CLNK: variants seen among roughly 807,000 people sequenced by gnomAD.
The protein encoded by CLNK is cytokine-dependent hematopoietic cell linker.
A neutral mutation model predicts 68.6 loss-of-function variants in CLNK; 74 were observed. The ratio of observed to expected loss-of-function variants is 1.08; its 90% CI spans 0.89 to 1.31. CLNK has a LOEUF of 1.31. Among genes scored for constraint, CLNK ranks in the 50% most tolerant of loss-of-function variants. The pLI, the probability that CLNK is intolerant of heterozygous loss-of-function variation, is 0.00. For synonymous variants in CLNK, 198 were observed against 172.2 expected, an observed-to-expected ratio of 1.15 and a Z score of -1.17; for missense variants, 553 against 515.3, an observed-to-expected ratio of 1.07 and a Z score of -0.71.
chr4:10,596,988 A>G (rs773326937), intron 3 of CLNK, among the ~76,000 whole-genome samples: 2 of 152,260 alleles, frequency 1.3e-5, no homozygotes, highest in Admixed American at 1.3e-4. Flanking sequence ...TAGTGTAAAC[A>G]TTAAAGAAGT....
the CLNK span, among the ~76,000 whole-genome samples, chr4:10,707,692 C>A: frequency 6.6e-6 from 1 of 152,186 alleles, no homozygotes. Context: ...CAGAATAAAC[C>A]TCTTTACAGT....
chr4:10,571,798 G>C lies in CLNK; in HGVS notation c.113-20C>G. On this transcript the variant is annotated intron_variant, in intron 4 of 18. Transcript: ENST00000226951. The stretch of plus-strand genomic sequence containing the variant: ...ACTGGCCTGCCAACACAAACAGACC[G>C]AGTGTTATTTTAATCACTGTGGTAG... The C allele has an allele frequency of 6.2e-7, 1 of 1,606,634 alleles. No homozygotes were observed. The highest frequency in any genetic ancestry group is 8.5e-7 in the Non-Finnish European group (1 of 1,173,738).
intron 2 of CLNK, among the ~76,000 whole-genome samples, chr4:10,632,689 T>G (rs1420932679): frequency 1.3e-5 from 2 of 152,236 alleles, no homozygotes; most frequent in African/African-American, 2.4e-5. Flanking sequence ...CTCTTTGTCT[T>G]CAAGAATGTT....
At chr4:10,582,254 C>T (rs1560227107) in intron 4 of CLNK, among the ~76,000 whole-genome samples, 2 of 152,216 alleles carry the variant, frequency 1.3e-5, no homozygotes, top group South Asian at 4.1e-4. Context: ...CATCTGGAAA[C>T]AGCCAGCAGG....
chr4:10,501,479 C>A, intron 17 of CLNK, 68 bp from the exon 18 acceptor site: 2 of 1,484,016 alleles, frequency 1.3e-6, no homozygotes, highest in Non-Finnish European at 1.8e-6. Context: ...ATGGTGGCAA[C>A]AATGATGTCT....
chr4:10,701,742 A>G, the CLNK span, among the ~76,000 whole-genome samples: 1 of 152,346 alleles, frequency 6.6e-6, no homozygotes, highest in East Asian at 1.9e-4. Context: ...TATAGACGGG[A>G]AAACTGAGGC....
intron 2 of CLNK, among the ~76,000 whole-genome samples, chr4:10,599,242 A>T (rs1721496661): frequency 6.6e-6 from 1 of 152,120 alleles, no homozygotes; most frequent in African/African-American, 2.4e-5. Context: ...ACACTCACAC[A>T]TGTACACAAA....
intron 18 of CLNK, among the ~76,000 whole-genome samples, chr4:10,492,597 G>A (rs1716627988): frequency 6.6e-6 from 1 of 152,192 alleles, no homozygotes; most frequent in South Asian, 2.1e-4. Flanking sequence ...TTCCCTCGGG[G>A]CTGTTGGGAG....
intron 12 of CLNK, among the ~76,000 whole-genome samples, 192 bp downstream of exon 12, chr4:10,532,064 G>A (rs772659915): frequency 1.2e-4 from 18 of 152,310 alleles, no homozygotes; most frequent in Non-Finnish European, 2.4e-4. Context: ...CAGGATCTTG[G>A]TTTAAAATCT....
intron 3 of CLNK, among the ~76,000 whole-genome samples, chr4:10,595,768 C>T (rs1017954675): frequency 9.2e-5 from 14 of 152,276 alleles, no homozygotes; most frequent in Admixed American, 9.2e-4. Context: ...AAGTTATTCA[C>T]CCTCTCTGGG....
At chr4:10,616,826 ACGCAT>A (rs1459794609) in intron 2 of CLNK, among the ~76,000 whole-genome samples, 1 of 49,600 alleles carries the variant, frequency 2.0e-5, no homozygotes, top group Non-Finnish European at 5.3e-5. Context: ...ATATATATAC[ACGCAT>A]TTTTTTTTCT....
intron 3 of CLNK, among the ~76,000 whole-genome samples, chr4:10,597,018 C>G (rs992867102): frequency 3.9e-5 from 6 of 152,188 alleles, no homozygotes; most frequent in Non-Finnish European, 8.8e-5. Context: ...CCACAAATTT[C>G]CCTCTACTCA....
chr4:10,588,579 C>T (rs146902746), intron 3 of CLNK, among the ~76,000 whole-genome samples: 2 of 152,124 alleles, frequency 1.3e-5, no homozygotes, highest in Admixed American at 6.5e-5. Context: ...GGCTGGTAGA[C>T]ATTTTGTTGT....
chr4:10,587,403 G>A (rs954407941), intron 3 of CLNK, among the ~76,000 whole-genome samples: 6 of 152,272 alleles, frequency 3.9e-5, no homozygotes, highest in African/African-American at 4.8e-5. Context: ...ATGCTACTTC[G>A]GTGAGCTTAC....
the CLNK span, among the ~76,000 whole-genome samples, chr4:10,702,244 GT>G: frequency 6.6e-6 from 1 of 152,232 alleles, no homozygotes; most frequent in East Asian, 1.9e-4. Flanking sequence ...GCTCTCACAG[GT>G]GTCCAGATAC....
intron 3 of CLNK, among the ~76,000 whole-genome samples, chr4:10,594,840 A>G (rs1721325929): frequency 6.6e-6 from 1 of 152,224 alleles, no homozygotes; most frequent in African/African-American, 2.4e-5. Flanking sequence ...CACACCTGTA[A>G]TCCCAGCACT....
At chr4:10,715,972 G>C in the CLNK span, among the ~76,000 whole-genome samples, 1 of 152,204 alleles carries the variant, frequency 6.6e-6, no homozygotes, top group Admixed American at 6.5e-5. Flanking sequence ...TCAAGAAGAG[G>C]TGAATTCTTT....
chr4:10,728,756 T>C, the CLNK span, among the ~76,000 whole-genome samples: 5 of 151,696 alleles, frequency 3.3e-5, no homozygotes, highest in Non-Finnish European at 7.4e-5. Context: ...GCCTGGCTAA[T>C]TTTGTTTTTT....
intron 2 of CLNK, among the ~76,000 whole-genome samples, chr4:10,602,385 A>G (rs961643486): frequency 5.3e-5 from 8 of 152,216 alleles, no homozygotes; most frequent in African/African-American, 1.9e-4. Flanking sequence ...AACTAAGCTA[A>G]GGATCTTGAG....
Sources: allele counts gnomAD v4.1 joint callset (sites outside exome capture counted in the v4.1 genomes callset), GRCh38; gene constraint gnomAD v4.1.1; transcripts MANE v1.5; gene names NCBI Gene and HGNC (gene_info 2026-07-23, HGNC 2026-07-21).